The following PHLPP1 variants were observed in gnomAD, a reference collection of about 807,000 sequenced individuals.
The protein encoded by PHLPP1 is PH domain and leucine rich repeat protein phosphatase 1, also known as PH domain leucine-rich repeat-containing protein phosphatase 1.
Under a neutral mutation model 117.2 loss-of-function variants are expected in PHLPP1, and 42 were observed. The observed-to-expected ratio is 0.36, with a 90% CI of 0.28 to 0.46. The LOEUF is 0.46. Among genes scored for constraint, PHLPP1 ranks in the 20% least tolerant of loss-of-function variants. The probability of loss-of-function intolerance (pLI) is 1.00; values close to 1 mark genes in which losing one functional copy is unlikely to be tolerated. For synonymous variants in PHLPP1, 1,042 were observed against 970.7 expected (o/e 1.07, Z -1.37); for missense variants, 2,084 against 2,241.9 (o/e 0.93, Z 1.42).
chr18:62,875,886 C>T (rs1445395693), intron 4 of PHLPP1, among the ~76,000 whole-genome samples: 2 of 152,096 alleles, frequency 1.3e-5, no homozygotes, highest in African/African-American at 4.8e-5. Flanking sequence ...GTGCCCGCCA[C>T]CACATCCGGC....
chr18:62,920,471 G>A (rs760254044), intron 10 of PHLPP1, among the ~76,000 whole-genome samples: 32 of 152,124 alleles, frequency 2.1e-4, no homozygotes, highest in Non-Finnish European at 2.9e-4. Flanking sequence ...CTCTGTTCCC[G>A]CTTTCACATG....
intron 12 of PHLPP1, among the ~76,000 whole-genome samples, chr18:62,954,867 G>A (rs1910567893): frequency 1.3e-5 from 2 of 152,152 alleles, no homozygotes; most frequent in South Asian, 4.1e-4. Context: ...TAAACTCACT[G>A]AGAAAATGAT....
chr18:62,863,678 G>A (rs1033574948), intron 4 of PHLPP1, among the ~76,000 whole-genome samples: 2 of 151,848 alleles, frequency 1.3e-5, no homozygotes, highest in African/African-American at 4.8e-5. Context: ...TGGTGGGAGT[G>A]TCTCTTAGCA....
At chr18:62,962,528 C>T (rs1348428032) in intron 13 of PHLPP1, among the ~76,000 whole-genome samples, 6 of 152,166 alleles carry the variant, frequency 3.9e-5, no homozygotes, top group Non-Finnish European at 5.9e-5. Flanking sequence ...AGGCTGATCT[C>T]GAACTCCCGA....
chr18:62,760,644 G>A (rs771058594), intron 1 of PHLPP1, among the ~76,000 whole-genome samples: 1 of 152,162 alleles, frequency 6.6e-6, no homozygotes, highest in Non-Finnish European at 1.5e-5. Context: ...TCTCTCTGTT[G>A]CCCTTCTTTA....
chr18:62,716,559 G>A lies in PHLPP1; in HGVS notation c.876G>A (p.Gly292=), dbSNP rs1403690908. 1 of 1,191,494 alleles carries A rather than the reference G, an allele frequency of 8.4e-7. No individual in the cohort carries two copies. Among genetic ancestry groups the A allele is most frequent in the East Asian group, 3.6e-5 (1 of 27,820 alleles). The allele number at this position is 1,191,494 out of a possible 1,614,324, so 73.8% of individuals were successfully genotyped here. ...PPARSAPGAF[G]GPPRAPPADL... is the part of the protein sequence containing the mutation. The stretch of plus-strand genomic sequence containing the variant: ...CGAGGAGCGCGCCGGGTGCCTTCGG[G>A]GGGCCTCCGCGCGCGCCCCCCGCCG... Residue 292 remains glycine, a synonymous_variant, in exon 1 of 17, where the codon GGG becomes GGA. Coordinates refer to ENST00000262719, the MANE Select transcript of PHLPP1 (RefSeq NM_194449.4). This position sits in a 1 kb window ranked among gnomAD's most constrained non-coding sequence, Gnocchi z 5.7.
At chr18:62,807,943 G>A (rs542447372) in intron 1 of PHLPP1, among the ~76,000 whole-genome samples, 1 of 152,048 alleles carries the variant, frequency 6.6e-6, no homozygotes, top group Non-Finnish European at 1.5e-5. Context: ...GGACACTTAG[G>A]CTACACTAAA....
rs549010092 is a variant in PHLPP1 at position 62,925,632 on chromosome 18, T to A, written c.2960+5518T>A. ...GCAAAGACAGATATTTCTGGCATTTTAAAAATCTGAGTTGTAGGCAACTAT... is the reference window on the plus strand; with the variant it reads ...GCAAAGACAGATATTTCTGGCATTTAAAAAATCTGAGTTGTAGGCAACTAT... On this transcript the variant is annotated intron_variant, in intron 10 of 16. Transcript: ENST00000262719. Among the ~76,000 whole-genome samples, 36 of 150,502 alleles carry A rather than the reference T, an allele frequency of 2.4e-4. 1 individual carries two copies. The highest frequency in any genetic ancestry group is 8.3e-4 in the African/African-American group (33 of 39,866).
intron 4 of PHLPP1, among the ~76,000 whole-genome samples, chr18:62,891,907 A>G (rs1377595560): frequency 1.3e-4 from 20 of 148,940 alleles, no homozygotes; most frequent in Admixed American, 1.1e-3. Context: ...AAAAAAAAAA[A>G]AAAAAAGAAA....
chr18:62,853,661 C>T (rs746951617), intron 3 of PHLPP1, among the ~76,000 whole-genome samples: 4 of 152,192 alleles, frequency 2.6e-5, no homozygotes, highest in African/African-American at 9.6e-5. Flanking sequence ...TGAGCCTCTG[C>T]CCCCAGCCTG....
At chr18:62,963,281 G>A (rs1910817013) in intron 13 of PHLPP1, 87 bp from the exon 14 acceptor site, 5 of 808,710 alleles carry the variant, frequency 6.2e-6, no homozygotes, top group Admixed American at 2.1e-5. Context: ...TGTTTAACAG[G>A]TGTATTTTTT....
At chr18:62,742,662 C>T (rs1344847231) in intron 1 of PHLPP1, among the ~76,000 whole-genome samples, 1 of 152,188 alleles carries the variant, frequency 6.6e-6, no homozygotes, top group Non-Finnish European at 1.5e-5. Context: ...TCTTGAATTC[C>T]TGACCTTGTG....
intron 4 of PHLPP1, among the ~76,000 whole-genome samples, chr18:62,879,446 C>G (rs567098614): frequency 4.6e-5 from 7 of 151,996 alleles, no homozygotes; most frequent in Non-Finnish European, 4.4e-5. Context: ...GAGTCTTACT[C>G]TGTCACCCAG....
rs1911085887 is a variant in PHLPP1 at position 62,972,650 on chromosome 18, C to T, written c.3697C>T (p.Leu1233=). 6.2e-7 allele frequency: 1 copy of T among 1,613,494 alleles called. No homozygotes were observed. Among genetic ancestry groups the T allele is most frequent in the Non-Finnish European group, 8.5e-7 (1 of 1,179,678 alleles). ...CTMSDILAEE[L]QKTKNEEEYM... Reference sequence around the variant, plus strand: ...TATGAGTGACATTTTGGCTGAAGAGCTGCAAAAAACAAAAAACGAAGAAGA... The same window carrying T: ...TATGAGTGACATTTTGGCTGAAGAGTTGCAAAAAACAAAAAACGAAGAAGA... Residue 1233 remains leucine (L), a synonymous_variant, in exon 15 of 17, where the codon CTG becomes TTG. Transcript: ENST00000262719.
chr18:62,834,099 G>A (rs1914826894), intron 2 of PHLPP1, among the ~76,000 whole-genome samples: 2 of 152,254 alleles, frequency 1.3e-5, no homozygotes, highest in South Asian at 4.2e-4. Context: ...TGGGTCAGTG[G>A]GGTTGGGGGG....
chr18:62,895,303 G>A (rs992904254), intron 5 of PHLPP1, 146 bp downstream of exon 5: 21 of 727,742 alleles, frequency 2.9e-5, no homozygotes, highest in East Asian at 1.9e-4. Context: ...TATGTAGTCC[G>A]TATGGAGTTC....
intron 1 of PHLPP1, among the ~76,000 whole-genome samples, chr18:62,726,540 A>G (rs756150423): frequency 8.1e-5 from 11 of 135,536 alleles, no homozygotes; most frequent in Non-Finnish European, 1.5e-4. Context: ...GTAGTATTTT[A>G]TCATTTTCTT....
At chr18:62,805,266 A>G (rs1169611409) in intron 1 of PHLPP1, among the ~76,000 whole-genome samples, 2 of 143,014 alleles carry the variant, frequency 1.4e-5, no homozygotes, top group East Asian at 4.1e-4. Flanking sequence ...TACACTGCAT[A>G]GGTTATACAT....
intron 10 of PHLPP1, among the ~76,000 whole-genome samples, chr18:62,932,729 C>T (rs932019893): frequency 1.3e-5 from 2 of 152,180 alleles, no homozygotes; most frequent in African/African-American, 4.8e-5. Context: ...CTACTCTCAC[C>T]ACTCCTATTG....
Sources: allele counts gnomAD v4.1 joint callset (sites outside exome capture counted in the v4.1 genomes callset), GRCh38; gene constraint gnomAD v4.1.1; non-coding constraint Gnocchi (gnomAD v3.1); transcripts MANE v1.5; gene names NCBI Gene and HGNC (gene_info 2026-07-23, HGNC 2026-07-21).